BANK1: variants seen among roughly 807,000 people sequenced by gnomAD.
The protein encoded by BANK1 is B cell scaffold protein with ankyrin repeats 1.
A neutral mutation model predicts 94.5 loss-of-function variants in BANK1; 95 were observed. That is an observed-to-expected ratio of 1.00 (90% CI 0.85 to 1.19). The LOEUF (loss-of-function observed/expected upper bound fraction) is 1.19, where lower values mean the gene tolerates loss of function less well. Ranked by LOEUF, BANK1 falls within the 50% of genes most tolerant of loss-of-function variation. The pLI, the probability that BANK1 is intolerant of heterozygous loss-of-function variation, is 0.00. For missense variants in BANK1, 987 were observed against 932.2 expected (o/e 1.06, Z -0.77); for synonymous variants, 334 against 308.4 (o/e 1.08, Z -0.87).
chr4:101,868,522 A>G (rs1728161972), intron 4 of BANK1, among the ~76,000 whole-genome samples: 1 of 151,990 alleles, frequency 6.6e-6, no homozygotes, highest in African/African-American at 2.4e-5. Context: ...ACTATTGTAT[A>G]AGATTTGTGA....
rs1176507515 is a variant in BANK1, at chr4:101,947,309, A to ATATATATATG, written c.1206+29123_1206+29124insATATATGTAT. 3.2e-3 allele frequency among the ~76,000 whole-genome samples: 217 copies of ATATATATATG among 67,864 alleles called. 15 individuals are homozygous for ATATATATATG. The highest frequency in any genetic ancestry group is 6.0e-3 in the African/African-American group (135 of 22,352). 44.5% of individuals were successfully genotyped at this position (67,864 alleles called of 152,430 possible). ...AATATATATATATATATATATATATATATGTATATGTATTATGTATTATAT... is the reference window on the plus strand; with the variant it reads ...AATATATATATATATATATATATATATATATATATGTATGTATATGTATTATGTATTATAT... On this transcript the variant is annotated intron_variant, in intron 7 of 16. Coordinates refer to ENST00000322953, the MANE Select transcript of BANK1 (RefSeq NM_017935.5).
At chr4:102,057,783 T>C (rs1728280098) in intron 11 of BANK1, among the ~76,000 whole-genome samples, 1 of 152,208 alleles carries the variant, frequency 6.6e-6, no homozygotes, top group African/African-American at 2.4e-5. Context: ...TGAAATGGTA[T>C]GCATTCCATG....
intron 1 of BANK1, among the ~76,000 whole-genome samples, chr4:101,802,084 TAG>T: frequency 6.6e-6 from 1 of 152,294 alleles, no homozygotes; most frequent in East Asian, 1.9e-4. Flanking sequence ...TGTCCTTACT[TAG>T]GTCTGTGGGC....
chr4:101,976,461 G>C (rs978731559), intron 7 of BANK1, among the ~76,000 whole-genome samples: 4 of 152,120 alleles, frequency 2.6e-5, no homozygotes, highest in African/African-American at 9.7e-5. Context: ...ATTTAATTCA[G>C]AGAGTACATG....
In BANK1 at chr4:101,955,621, G is replaced by A. The variant is rs147854323; in HGVS notation, c.1206+37432G>A. 5.8e-3 allele frequency among the ~76,000 whole-genome samples: 881 copies of A among 152,194 alleles called. 9 individuals carry two copies. Among genetic ancestry groups the A allele is most frequent in the African/African-American group, 0.02 (820 of 41,534 alleles). ...TTATGTAACAGGAATTTGATACTCG[G>A]TTTCTTGCTCAGGGGAAAATTGTCT... On this transcript the variant is annotated intron_variant, in intron 7 of 16. Coordinates refer to ENST00000322953, the MANE Select transcript of BANK1 (RefSeq NM_017935.5).
chr4:101,825,614 AC>A (rs1468356756), intron 1 of BANK1, among the ~76,000 whole-genome samples: 2 of 152,038 alleles, frequency 1.3e-5, no homozygotes, highest in Non-Finnish European at 2.9e-5. Flanking sequence ...GACTAACAGG[AC>A]CAACTTCCTG....
intron 5 of BANK1, among the ~76,000 whole-genome samples, chr4:101,886,637 A>G (rs1205924856): frequency 6.6e-6 from 1 of 152,172 alleles, no homozygotes; most frequent in Non-Finnish European, 1.5e-5. Context: ...AATGCCTACA[A>G]TAGAAACACT....
At chr4:101,817,578 G>A (rs1725964580) in intron 1 of BANK1, among the ~76,000 whole-genome samples, 1 of 152,152 alleles carries the variant, frequency 6.6e-6, no homozygotes, top group African/African-American at 2.4e-5. Flanking sequence ...ACTAATGGAT[G>A]CTGGGTGATT....
At chr4:101,983,718 G>A (rs77963155) in intron 7 of BANK1, among the ~76,000 whole-genome samples, 1,606 of 152,118 alleles carry the variant, frequency 0.011, 27 homozygotes, top group East Asian at 0.056. Flanking sequence ...TGGAAGAAGG[G>A]AGAAAAGATG....
At chr4:101,848,635 G>A (rs1237449225) in intron 2 of BANK1, among the ~76,000 whole-genome samples, 1 of 152,166 alleles carries the variant, frequency 6.6e-6, no homozygotes, top group East Asian at 1.9e-4. Flanking sequence ...AGGGCATGCA[G>A]TTTAAAGTGA....
chr4:101,819,548 T>G (rs918380861), intron 1 of BANK1, among the ~76,000 whole-genome samples: 8 of 152,168 alleles, frequency 5.3e-5, no homozygotes, highest in Non-Finnish European at 1.0e-4. Flanking sequence ...ACCCTATATA[T>G]TTCATTCCTA....
chr4:101,989,336 C>T (rs1483304337), intron 7 of BANK1, among the ~76,000 whole-genome samples: 1 of 146,512 alleles, frequency 6.8e-6, no homozygotes, highest in African/African-American at 2.5e-5. Flanking sequence ...GAGGCTGAGG[C>T]AGGAGAATCG....
chr4:101,891,068 A>G (rs1245551890), intron 5 of BANK1, among the ~76,000 whole-genome samples: 3 of 152,128 alleles, frequency 2.0e-5, no homozygotes, highest in Non-Finnish European at 2.9e-5. Context: ...AGGAAAGTCT[A>G]TCATACTTAC....
chr4:101,836,757 T>G (rs963102685), intron 2 of BANK1, among the ~76,000 whole-genome samples: 15 of 152,164 alleles, frequency 9.9e-5, no homozygotes, highest in Non-Finnish European at 2.9e-5. Flanking sequence ...CAAGGAAGAT[T>G]CTACAAAATA....
intron 5 of BANK1, among the ~76,000 whole-genome samples, chr4:101,873,810 A>C (rs1353592863): frequency 2.6e-5 from 4 of 152,194 alleles, no homozygotes; most frequent in Non-Finnish European, 5.9e-5. Context: ...GATAATTAGA[A>C]TTGAAGTGCT....
At chr4:101,943,439 A>G (rs1723817861) in intron 7 of BANK1, among the ~76,000 whole-genome samples, 1 of 151,796 alleles carries the variant, frequency 6.6e-6, no homozygotes, top group Non-Finnish European at 1.5e-5. Flanking sequence ...GTCCAGCCAG[A>G]GAGGCATTAA....
Position 101,866,555 on chromosome 4 carries a change from A to G in BANK1, c.763+3891A>G, listed in dbSNP as rs548948861. ...TATTCATATTACATTCGAACTGTAG[A>G]AAACTGAAAACAAAAGAGAAAATCT... is the stretch of plus-strand genomic sequence containing the variant. On this transcript the variant is annotated intron_variant, in intron 4 of 16. Coordinates refer to ENST00000322953, the MANE Select transcript of BANK1 (RefSeq NM_017935.5). Among the ~76,000 whole-genome samples the G allele has an allele frequency of 3.9e-5, 6 of 152,288 alleles. No homozygotes were observed. In the South Asian group the frequency reaches 1.0e-3, roughly 26 times the overall value.
At chr4:101,956,288 G>T (rs1233903247) in intron 7 of BANK1, among the ~76,000 whole-genome samples, 2 of 152,110 alleles carry the variant, frequency 1.3e-5, no homozygotes, top group African/African-American at 4.8e-5. Context: ...ACTTCCTCAA[G>T]GCTCTATCCT....
At chr4:101,847,618 C>T (rs767864442) in intron 2 of BANK1, among the ~76,000 whole-genome samples, 4 of 151,988 alleles carry the variant, frequency 2.6e-5, no homozygotes, top group Admixed American at 6.6e-5. Context: ...TGAGAACATA[C>T]GATGTTTGGT....
Sources: allele counts gnomAD v4.1 joint callset (sites outside exome capture counted in the v4.1 genomes callset), GRCh38; gene constraint gnomAD v4.1.1; transcripts MANE v1.5; gene names NCBI Gene and HGNC (gene_info 2026-07-23, HGNC 2026-07-21).